HR: variants seen among roughly 807,000 people sequenced by gnomAD.
HR encodes the protein HR lysine demethylase and nuclear receptor corepressor.
Under a neutral mutation model 128.6 loss-of-function variants are expected in HR, and 83 were observed. The observed-to-expected ratio is 0.65, with a 90% CI of 0.54 to 0.77. The LOEUF (loss-of-function observed/expected upper bound fraction) is 0.77. Among genes scored for constraint, HR ranks in the 30% least tolerant of loss-of-function variants. HR has a pLI of 0.00. For missense variants in HR, 1,490 were observed against 1,574.6 expected, an observed-to-expected ratio of 0.95 and a Z score of 0.91; for synonymous variants, 681 against 658.2, an observed-to-expected ratio of 1.03 and a Z score of -0.53.
chr8:22,117,081 G>A, intron 16 of HR, 42 bp from the exon 17 acceptor site: 1 of 1,453,048 alleles, frequency 6.9e-7, no homozygotes, highest in Non-Finnish European at 9.0e-7. Context: ...GGGGAGGGAA[G>A]GGCAGGGCTG....
rs202236037 is a variant in HR, at chr8:22,129,107, C to T, written c.64G>A (p.Gly22Ser). 8.9e-6 allele frequency: 14 copies of T among 1,569,268 alleles called. No homozygotes were observed. Among genetic ancestry groups the T allele is most frequent in the East Asian group, 6.7e-5 (3 of 44,614 alleles). ...PTWEKTAPEN[G>S]IVRQEPGSPP... Reference sequence around the variant, plus strand: ...CTGCCGGGCTCCTGTCTCACGATGCCGTTCTCTGGGGCCGTCTTCTCCCAG... The same window carrying T: ...CTGCCGGGCTCCTGTCTCACGATGCTGTTCTCTGGGGCCGTCTTCTCCCAG... Residue 22 changes from glycine to serine, a missense_variant, in exon 2 of 19, where the codon GGC (glycine) becomes AGC (serine). Transcript: ENST00000381418.
Position 22,127,258 on chromosome 8 carries a change from C to T in HR, c.1184G>A (p.Arg395His), listed in dbSNP as rs1033633827. ...CCTCTCCTCGACCTCAGGGCAGCCG[C>T]GTGGACATTCAAACTGCTCCGAGTG... ...TRHSEQFECP[R>H]GCPEVEERPV... The change falls in exon 3 of 19, where the codon CGC (arginine) becomes CAC (histidine). Residue 395 changes from arginine (R) to histidine (H), a missense_variant. By Grantham distance (29) the Arg-to-His change is conservative. Around this residue, in one of 3 missense-constraint regions of HR, gnomAD observed 1,060 missense variants for 1,060.9 expected, o/e 1.00. Coordinates refer to ENST00000381418, the MANE Select transcript of HR (RefSeq NM_005144.5). 7.4e-6 allele frequency: 12 copies of T among 1,613,162 alleles called. No individual in the cohort carries two copies. Among genetic ancestry groups the T allele is most frequent in the South Asian group, 3.3e-5 (3 of 91,080 alleles).
In HR at chr8:22,129,121, G is replaced by C; in HGVS notation, c.50C>G (p.Thr17Arg). 1 of 1,562,864 alleles carries C rather than the reference G, an allele frequency of 6.4e-7. No individual in the cohort carries two copies. The highest frequency in any genetic ancestry group is 8.6e-7 in the Non-Finnish European group (1 of 1,156,998). The change falls in exon 2 of 19, where the codon ACG becomes AGG. Residue 17 changes from threonine to arginine, a missense_variant. Physicochemically the swap from Thr to Arg is moderately conservative, Grantham distance 71 (BLOSUM62 -1). Transcript: ENST00000381418. ...TCTCACGATGCCGTTCTCTGGGGCCGTCTTCTCCCAGGTTGGGGTGCCCTT... is the reference window on the plus strand; with the variant it reads ...TCTCACGATGCCGTTCTCTGGGGCCCTCTTCTCCCAGGTTGGGGTGCCCTT... The part of the protein sequence containing the change: ...FLKGTPTWEK[T>R]APENGIVRQE...
Position 22,116,845 on chromosome 8 carries a change from C to A in HR, c.3378+30G>T. 6.4e-7 allele frequency: 1 copy of A among 1,558,780 alleles called. No individual in the cohort carries two copies. On this transcript the variant is annotated intron_variant, in intron 17 of 18. Coordinates refer to ENST00000381418, the MANE Select transcript of HR (RefSeq NM_005144.5). The surrounding 1 kb of genome is among the most constrained non-coding windows in gnomAD (Gnocchi z 4.2). ...GGGTCGCTTCTGCCATCCTGATCTC[C>A]CCGCAGAGCCCCTGCCCGCTGGGAA...
chr8:22,121,792 T>A, intron 8 of HR, 98 bp from the exon 9 acceptor site: 1 of 1,252,968 alleles, frequency 8.0e-7, no homozygotes, highest in Non-Finnish European at 1.2e-6. Flanking sequence ...TGGACTCTTG[T>A]CAGTCCTAAA....
chr8:22,124,949 ACT>A (rs1029546442), intron 5 of HR, among the ~76,000 whole-genome samples: 1 of 151,854 alleles, frequency 6.6e-6, no homozygotes, highest in African/African-American at 2.4e-5. Context: ...GTCATGAGGA[ACT>A]CTCTGTGCTG....
intron 16 of HR, 187 bp from the exon 17 acceptor site, chr8:22,117,226 C>T (rs1826616293): frequency 3.4e-6 from 2 of 584,486 alleles, no homozygotes; most frequent in African/African-American, 1.9e-5. Context: ...GCAGAACACA[C>T]ATTTGGCTGG....
Position 22,126,414 on chromosome 8 carries a change from G to A in HR, c.1405+623C>T, listed in dbSNP as rs546379649. ...ACAGTGTAGCAAGTGACTCCAGGGT[G>A]CGCCCAGAGCCCTAACACTGGCAGA... is the stretch of plus-strand genomic sequence containing the variant. On this transcript the variant is annotated intron_variant, in intron 3 of 18. Coordinates refer to ENST00000381418, the MANE Select transcript of HR (RefSeq NM_005144.5). Among the ~76,000 whole-genome samples the A allele has an allele frequency of 5.3e-5, 8 of 152,366 alleles. No individual in the cohort carries two copies. In the South Asian group the frequency reaches 1.7e-3, roughly 32 times the overall value.
intron 2 of HR, 37 bp downstream of exon 2, chr8:22,128,522 C>A: frequency 1.2e-6 from 2 of 1,611,022 alleles, no homozygotes; most frequent in Middle Eastern, 1.6e-4. Flanking sequence ...CTTTGCTAGG[C>A]CAGAGCCACA....
chr8:22,118,655 C>G, intron 16 of HR: 1 of 489,308 alleles, frequency 2.0e-6, no homozygotes, highest in Non-Finnish European at 3.7e-6. Flanking sequence ...AGACGGGTAA[C>G]AGATAATTGT....
chr8:22,125,259 C>A, intron 5 of HR, 52 bp downstream of exon 5: 1 of 1,532,122 alleles, frequency 6.5e-7, no homozygotes, highest in Non-Finnish European at 8.8e-7. Context: ...GGGAGGGACA[C>A]CTGGGGCTCC....
At position 22,122,419 on chromosome 8, in the gene HR, G is replaced by C. The variant is rs578046268; in HGVS notation, c.2121+74C>G. On this transcript the variant is annotated intron_variant, in intron 8 of 18. Coordinates refer to ENST00000381418, the MANE Select transcript of HR (RefSeq NM_005144.5). ...CTCTCTTCATCCCCACCAAGAAAAGGGGGGGCCAAACCCCTGCAAAGGTCA... is the reference window on the plus strand; with the variant it reads ...CTCTCTTCATCCCCACCAAGAAAAGCGGGGGCCAAACCCCTGCAAAGGTCA... The C allele has an allele frequency of 6.0e-5, 63 of 1,047,882 alleles. No individual in the cohort carries two copies. The African/African-American group carries it at 7.0e-4, about 12-fold the overall frequency. 64.9% of individuals were successfully genotyped at this position (1,047,882 alleles called of 1,614,324 possible).
rs368350520 is a variant in HR, at chr8:22,119,847, C to T, written c.2890G>A (p.Ala964Thr). ...GCCAGGTTGAGTTTTCCATGGAGGG[C>T]GCAGTACTCCGGAAGTGGCAGACTG... The part of the protein sequence containing the change: ...AASLPLPEYC[A>T]LHGKLNLASY... Residue 964 changes from alanine to threonine, a missense_variant, in exon 14 of 19, where the codon GCC becomes ACC. Physicochemically the swap from Ala to Thr is moderately conservative, Grantham distance 58 (BLOSUM62 0). Transcript: ENST00000381418. 81 of 1,613,674 alleles carry T rather than the reference C, an allele frequency of 5.0e-5. No homozygotes were observed. Among genetic ancestry groups the T allele is most frequent in the East Asian group, 1.3e-4 (6 of 44,876 alleles).
chr8:22,123,046 T>C (rs1401444482), intron 6 of HR, among the ~76,000 whole-genome samples, 167 bp from the exon 7 acceptor site: 1 of 152,196 alleles, frequency 6.6e-6, no homozygotes, highest in Non-Finnish European at 1.5e-5. Flanking sequence ...TCTTTGCTTG[T>C]AGAATGCTAC....
At chr8:22,117,832 G>T (rs78734184) in intron 16 of HR, 1,876 of 152,566 alleles carry the variant, frequency 0.012, 11 homozygotes, top group Non-Finnish European at 0.014. Flanking sequence ...AAGATGGGGC[G>T]TGGGGGAAGG....
chr8:22,123,449 G>C (rs779871522), intron 6 of HR, among the ~76,000 whole-genome samples, 200 bp downstream of exon 6: 11 of 152,236 alleles, frequency 7.2e-5, no homozygotes, highest in Admixed American at 1.3e-4. Flanking sequence ...GTTTAAGGGT[G>C]GTCAAGGACG....
At position 22,127,183 on chromosome 8, in the gene HR, T is replaced by C. The variant is rs140415804; in HGVS notation, c.1259A>G (p.Gln420Arg). The C allele has an allele frequency of 6.8e-5, 110 of 1,612,862 alleles. No homozygotes were observed. Among genetic ancestry groups the C allele is most frequent in the Non-Finnish European group, 8.7e-5 (103 of 1,180,012 alleles). Reference protein sequence around the residue: ...ALKRAGSPEVQGAMGSPAPKR... With the variant: ...ALKRAGSPEVRGAMGSPAPKR... ...GGGGGCTGGACTGCCCATTGCTCCC[T>C]GGACCTCGGGGCTGCCTGCCCTTTT... Residue 420 changes from glutamine (Q) to arginine (R), a missense_variant, in exon 3 of 19, where the codon CAG becomes CGG. Gln to Arg is a conservative substitution (Grantham distance 43). Transcript: ENST00000381418.
intron 3 of HR, among the ~76,000 whole-genome samples, 182 bp from the exon 4 acceptor site, chr8:22,125,914 C>G (rs1259225733): frequency 6.6e-6 from 1 of 152,014 alleles, no homozygotes; most frequent in Non-Finnish European, 1.5e-5. Flanking sequence ...GCACGCCAGG[C>G]TGAGCAGGGA....
In HR at chr8:22,121,235, G is replaced by A; in HGVS notation, c.2204-7C>T. 6.2e-7 allele frequency: 1 copy of A among 1,613,414 alleles called. No individual in the cohort carries two copies. The highest frequency in any genetic ancestry group is 8.5e-7 in the Non-Finnish European group (1 of 1,179,800). The stretch of plus-strand genomic sequence containing the variant: ...TCAGCGGAATCGGGGGTCTCTGTCA[G>A]GGAGGAAGATGGTGGGGGGCTTCGC... On this transcript the variant is annotated splice_region_variant and splice_polypyrimidine_tract_variant and intron_variant, in intron 9 of 18. Transcript: ENST00000381418.
Sources: allele counts gnomAD v4.1 joint callset (sites outside exome capture counted in the v4.1 genomes callset), GRCh38; gene constraint gnomAD v4.1.1; regional missense constraint gnomAD v4.1.1; non-coding constraint Gnocchi (gnomAD v3.1); transcripts MANE v1.5; gene names NCBI Gene and HGNC (gene_info 2026-07-23, HGNC 2026-07-21).